The following CCSER1 variants were observed in gnomAD, a reference collection of about 807,000 sequenced individuals.
The protein encoded by CCSER1 is coiled-coil serine rich protein 1, also known as serine-rich coiled-coil domain-containing protein 1.
A neutral mutation model predicts 82.0 loss-of-function variants in CCSER1; 41 were observed. The observed-to-expected ratio is 0.50, with a 90% CI of 0.39 to 0.65. CCSER1 has a LOEUF of 0.65. CCSER1 is among the 30% of genes least tolerant of loss of function. CCSER1 has a pLI of 0.00. For synonymous variants in CCSER1, 414 were observed against 383.9 expected (o/e 1.08, Z -0.92); for missense variants, 1,119 against 1,064.2 (o/e 1.05, Z -0.72).
intron 3 of CCSER1, among the ~76,000 whole-genome samples, chr4:90,372,071 T>C (rs1428831781): frequency 6.6e-6 from 1 of 152,214 alleles, no homozygotes; most frequent in Admixed American, 6.5e-5. Flanking sequence ...TTTGGAACTC[T>C]GTGGATATGC....
At position 91,168,710 on chromosome 4, in the gene CCSER1, G is replaced by A. The variant is rs550340021; in HGVS notation, c.2217+82716G>A. Among the ~76,000 whole-genome samples, 45 of 152,254 alleles carry A rather than the reference G, an allele frequency of 3.0e-4. 1 individual carries two copies. In the South Asian group the frequency reaches 8.9e-3, roughly 30 times the overall value. ...TACCCAACAGCTCCGAAGAGACAGC[G>A]ACCATCGAGAATGGGCCATGATGAC... On this transcript the variant is annotated intron_variant, in intron 10 of 10. Coordinates refer to ENST00000509176, the MANE Select transcript of CCSER1 (RefSeq NM_001145065.2).
chr4:90,753,303 C>T (rs1306579255), intron 7 of CCSER1, among the ~76,000 whole-genome samples: 1 of 152,008 alleles, frequency 6.6e-6, no homozygotes, highest in Admixed American at 6.6e-5. Context: ...TGCCTTTAGG[C>T]AGAAACAAAC....
chr4:91,450,184 G>C (rs1048909600), intron 10 of CCSER1, among the ~76,000 whole-genome samples: 1 of 151,926 alleles, frequency 6.6e-6, no homozygotes, highest in Non-Finnish European at 1.5e-5. Flanking sequence ...TCCTACTAGG[G>C]AGAGACTCTT....
chr4:91,013,545 T>C lies in CCSER1; in HGVS notation c.2173-72405T>C, dbSNP rs1739169530. On this transcript the variant is annotated intron_variant, in intron 9 of 10. Transcript: ENST00000509176. ...TTCTTTCTCAAGACATATATATATA[T>C]ATATTTTTTTGCTAGTCTGTCTGTT... 1.6e-5 allele frequency among the ~76,000 whole-genome samples: 2 copies of C among 127,656 alleles called. 1 individual carries two copies. Among genetic ancestry groups the C allele is most frequent in the Non-Finnish European group, 3.5e-5 (2 of 56,840 alleles). 83.7% of individuals were successfully genotyped at this position (127,656 alleles called of 152,430 possible).
chr4:90,433,391 G>A (rs1355484897), intron 4 of CCSER1, among the ~76,000 whole-genome samples: 2 of 152,088 alleles, frequency 1.3e-5, no homozygotes, highest in African/African-American at 2.4e-5. Context: ...CAAGGGGATT[G>A]AATGACAATT....
At chr4:90,138,977 C>T (rs1475281245) in intron 1 of CCSER1, among the ~76,000 whole-genome samples, 2 of 152,268 alleles carry the variant, frequency 1.3e-5, no homozygotes, top group South Asian at 4.1e-4. Context: ...GTTAATGAAA[C>T]CCAGTATGTT....
intron 10 of CCSER1, among the ~76,000 whole-genome samples, chr4:91,272,522 G>A (rs915349072): frequency 2.1e-4 from 32 of 152,142 alleles, no homozygotes; most frequent in African/African-American, 7.7e-4. Flanking sequence ...TATAGATTGT[G>A]AAGATTTTCT....
chr4:90,147,674 A>T (rs1020455674), intron 1 of CCSER1, among the ~76,000 whole-genome samples: 2 of 152,182 alleles, frequency 1.3e-5, no homozygotes, highest in African/African-American at 4.8e-5. Context: ...AGGTTTGAAA[A>T]TGATATGAAT....
At chr4:91,349,062 C>G (rs201108781) in intron 10 of CCSER1, among the ~76,000 whole-genome samples, 1 of 152,082 alleles carries the variant, frequency 6.6e-6, no homozygotes, top group Non-Finnish European at 1.5e-5. Context: ...GCACCGCCAC[C>G]GTGCCCGGCT....
chr4:91,153,061 T>C (rs1730407712), intron 10 of CCSER1, among the ~76,000 whole-genome samples: 1 of 151,984 alleles, frequency 6.6e-6, no homozygotes, highest in Non-Finnish European at 1.5e-5. Context: ...TTGGCCTGCT[T>C]GCTAATTTGG....
At chr4:90,630,891 T>TTAC (rs1419311482) in intron 6 of CCSER1, among the ~76,000 whole-genome samples, 1 of 148,452 alleles carries the variant, frequency 6.7e-6, no homozygotes, top group Non-Finnish European at 1.5e-5. Context: ...ATTATTATTA[T>TTAC]TATTATTATT....
At chr4:90,811,995 C>CACACACACACATATATATATATATTT in intron 7 of CCSER1, among the ~76,000 whole-genome samples, 1 of 142,772 alleles carries the variant, frequency 7.0e-6, no homozygotes, top group South Asian at 2.2e-4. Flanking sequence ...TATATAAACA[C>CACACACACACATATATATATATATTT]ATATATATAT....
chr4:91,141,149 C>A (rs1728985224), intron 10 of CCSER1, among the ~76,000 whole-genome samples: 1 of 149,862 alleles, frequency 6.7e-6, no homozygotes, highest in Admixed American at 6.8e-5. Flanking sequence ...GATATGATTT[C>A]ATTCTTTTTT....
chr4:90,740,378 A>G (rs1746341337), intron 7 of CCSER1, among the ~76,000 whole-genome samples: 1 of 152,178 alleles, frequency 6.6e-6, no homozygotes, highest in Non-Finnish European at 1.5e-5. Flanking sequence ...ACATAGTAAG[A>G]AAAATGAGAA....
intron 10 of CCSER1, among the ~76,000 whole-genome samples, chr4:91,518,381 G>T (rs755620297): frequency 2.4e-4 from 36 of 152,130 alleles, no homozygotes; most frequent in Non-Finnish European, 4.0e-4. Flanking sequence ...AGACAGATTG[G>T]CCTTCTCTCC....
chr4:90,716,590 A>G (rs1255253709), intron 6 of CCSER1, among the ~76,000 whole-genome samples: 1 of 152,056 alleles, frequency 6.6e-6, no homozygotes, highest in Admixed American at 6.6e-5. Context: ...TATTTTTACT[A>G]TAACTTTTCT....
chr4:90,958,994 T>G (rs1180205203), intron 9 of CCSER1, among the ~76,000 whole-genome samples: 1 of 152,190 alleles, frequency 6.6e-6, no homozygotes, highest in Non-Finnish European at 1.5e-5. Flanking sequence ...AGATTTTATA[T>G]AACAAAGTAA....
intron 1 of CCSER1, among the ~76,000 whole-genome samples, chr4:90,243,110 C>T (rs1578711853): frequency 7.0e-6 from 1 of 142,468 alleles, no homozygotes; most frequent in East Asian, 2.1e-4. Flanking sequence ...CTTGTCCAGG[C>T]TGAAGTGTAG....
intron 10 of CCSER1, among the ~76,000 whole-genome samples, chr4:91,413,358 G>C (rs114962227): frequency 0.037 from 5,664 of 152,148 alleles, 379 homozygotes; most frequent in African/African-American, 0.13. Context: ...TACTCAGGAG[G>C]TGGTAGTGGG....
Sources: gnomAD v4.1 joint callset for allele counts (sites outside exome capture counted in the v4.1 genomes callset) on GRCh38, gnomAD v4.1.1 for gene constraint, MANE v1.5 for transcripts, NCBI Gene and HGNC (gene_info 2026-07-23, HGNC 2026-07-21) for gene names.